Variants in PCNT observed in about 807,000 individuals in gnomAD.
The protein encoded by PCNT is kendrin.
In PCNT, 319 loss-of-function variants were observed where a neutral mutation model predicts 380.4. That is an observed-to-expected ratio of 0.84 (90% CI 0.77 to 0.92). The LOEUF is 0.92. Among genes scored for constraint, PCNT ranks in the 40% least tolerant of loss-of-function variants. PCNT has a pLI of 0.00. For synonymous variants in PCNT, 1,845 were observed against 1,735.2 expected (o/e 1.06, Z -1.57); for missense variants, 4,400 against 4,255.3 (o/e 1.03, Z -0.95).
At chr21:46,368,569 C>T (rs1256950294) in intron 15 of PCNT, among the ~76,000 whole-genome samples, 2 of 152,276 alleles carry the variant, frequency 1.3e-5, no homozygotes, top group African/African-American at 4.8e-5. Context: ...GCTGCAGTGC[C>T]TGTGACTCAG....
At chr21:46,324,303 C>T (rs1418953229) in intron 1 of PCNT, 21 bp downstream of exon 1, 1 of 1,588,130 alleles carries the variant, frequency 6.3e-7, no homozygotes, top group African/African-American at 1.3e-5. Context: ...GGGGCTTCTT[C>T]TCTAGCTGCT....
At chr21:46,326,219 G>A (rs2083390410) in intron 1 of PCNT, among the ~76,000 whole-genome samples, 158 bp from the exon 2 acceptor site, 1 of 152,222 alleles carries the variant, frequency 6.6e-6, no homozygotes, top group Admixed American at 6.5e-5. Context: ...TATTGATGAA[G>A]GCAGTGTTTG....
At chr21:46,398,954 G>A (rs981444092) in intron 24 of PCNT, among the ~76,000 whole-genome samples, 1 of 151,604 alleles carries the variant, frequency 6.6e-6, no homozygotes, top group African/African-American at 2.4e-5. Flanking sequence ...CGAGTAGCTG[G>A]GACTACAGGT....
intron 17 of PCNT, among the ~76,000 whole-genome samples, chr21:46,387,453 A>T (rs1292100864): frequency 6.6e-6 from 1 of 152,020 alleles, no homozygotes; most frequent in Non-Finnish European, 1.5e-5. Context: ...TGGGCGGGGT[A>T]GTCCCAGGCT....
intron 35 of PCNT, among the ~76,000 whole-genome samples, chr21:46,429,136 C>T (rs1273080049): frequency 1.4e-4 from 21 of 152,304 alleles, no homozygotes; most frequent in East Asian, 7.8e-4. Context: ...TTTTGGATTC[C>T]GTCAAGGGGA....
intron 29 of PCNT, among the ~76,000 whole-genome samples, chr21:46,414,589 C>T (rs112483377): frequency 7.0e-6 from 1 of 142,790 alleles, no homozygotes; most frequent in East Asian, 2.1e-4. Context: ...GGACACGCAG[C>T]CGCCCACCCT....
intron 22 of PCNT, 84 bp downstream of exon 22, chr21:46,397,578 C>A: frequency 8.6e-7 from 1 of 1,163,420 alleles, no homozygotes; most frequent in Non-Finnish European, 1.3e-6. Flanking sequence ...GTTACGTAAG[C>A]TTCTGCAGTA....
In PCNT at chr21:46,356,964, TTC is replaced by T; in HGVS notation, c.1937-9_1937-8del. 1 of 1,613,264 alleles carries T rather than the reference TTC, an allele frequency of 6.2e-7. No homozygotes were observed. The highest frequency in any genetic ancestry group is 1.1e-5 in the South Asian group (1 of 91,046). On this transcript the variant is annotated splice_region_variant and splice_polypyrimidine_tract_variant and intron_variant, in intron 12 of 46. Transcript: ENST00000359568. ...GGCCTGACTGTCTTCCCTGCTCCTT[TTC>T]CACACAGAGCTTCCCTGGGTGCATC...
intron 2 of PCNT, among the ~76,000 whole-genome samples, chr21:46,332,914 G>C (rs1235279779): frequency 6.6e-6 from 1 of 152,020 alleles, no homozygotes; most frequent in Non-Finnish European, 1.5e-5. Context: ...TTTGAGGCCA[G>C]CTTTGGAACA....
At chr21:46,419,139 T>TG (rs113596995) in intron 31 of PCNT, among the ~76,000 whole-genome samples, 19,557 of 152,110 alleles carry the variant, frequency 0.13, 3,503 homozygotes, top group African/African-American at 0.41. Context: ...CTCTAACTTT[T>TG]TAAAAAATCT....
chr21:46,353,015 C>T (rs188625581), intron 9 of PCNT, 89 bp from the exon 10 acceptor site: 21 of 1,079,580 alleles, frequency 1.9e-5, no homozygotes, highest in Non-Finnish European at 2.8e-5. Flanking sequence ...AGTTCTGCCC[C>T]CACCACAGGT....
At chr21:46,371,744 G>A (rs981631556) in intron 15 of PCNT, among the ~76,000 whole-genome samples, 7 of 152,204 alleles carry the variant, frequency 4.6e-5, no homozygotes, top group African/African-American at 1.7e-4. Context: ...CCATCCAGGC[G>A]CCACCACCCC....
At chr21:46,349,417 G>T (rs1006632019) in intron 7 of PCNT, among the ~76,000 whole-genome samples, 2 of 152,190 alleles carry the variant, frequency 1.3e-5, no homozygotes, top group Non-Finnish European at 2.9e-5. Context: ...ATGTTCAGTT[G>T]CTAAATTATT....
chr21:46,436,750 C>T (rs974755245), intron 39 of PCNT, among the ~76,000 whole-genome samples: 6 of 152,142 alleles, frequency 3.9e-5, no homozygotes, highest in East Asian at 3.9e-4. Flanking sequence ...TTCCCGTGCT[C>T]GGTGGCGCGC....
At chr21:46,436,215 C>A in intron 39 of PCNT, 67 bp downstream of exon 39, 1 of 1,583,016 alleles carries the variant, frequency 6.3e-7, no homozygotes, top group Non-Finnish European at 8.5e-7. Flanking sequence ...AGACCCGGCC[C>A]GAGGGCTGGG....
At chr21:46,357,299 T>C in intron 13 of PCNT, 108 bp downstream of exon 13, 1 of 810,964 alleles carries the variant, frequency 1.2e-6, no homozygotes, top group Admixed American at 1.7e-5. Flanking sequence ...GACAGCCCAG[T>C]GCTGTACATG....
At chr21:46,328,007 G>T (rs1279845460) in intron 2 of PCNT, among the ~76,000 whole-genome samples, 1 of 152,184 alleles carries the variant, frequency 6.6e-6, no homozygotes, top group Non-Finnish European at 1.5e-5. Flanking sequence ...TATGAATTAT[G>T]AACGAGGGCC....
intron 3 of PCNT, 32 bp downstream of exon 3, chr21:46,334,800 C>T (rs1555945908): frequency 3.1e-6 from 5 of 1,614,170 alleles, no homozygotes; most frequent in South Asian, 1.1e-5. Flanking sequence ...AAGGTGTATT[C>T]TTTGTCAAAA....
intron 38 of PCNT, among the ~76,000 whole-genome samples, chr21:46,433,215 C>T (rs1306207245): frequency 6.6e-6 from 1 of 152,104 alleles, no homozygotes; most frequent in African/African-American, 2.4e-5. Context: ...AAGCCCATTT[C>T]TACTAAAAAT....
Sources: gnomAD v4.1 joint callset for allele counts (sites outside exome capture counted in the v4.1 genomes callset) on GRCh38, gnomAD v4.1.1 for gene constraint, MANE v1.5 for transcripts, NCBI Gene and HGNC (gene_info 2026-07-23, HGNC 2026-07-21) for gene names.